Variants in TMEM178B observed in about 807,000 individuals in gnomAD.
The protein encoded by TMEM178B is transmembrane protein 178B.
TMEM178B carries 5 observed loss-of-function variants against 31.0 expected under a neutral mutation model. The observed-to-expected ratio is 0.16, with a 90% CI of 0.08 to 0.34. The LOEUF (loss-of-function observed/expected upper bound fraction) is 0.34. Among genes scored for constraint, TMEM178B ranks in the 10% least tolerant of loss-of-function variants. The pLI is 1.00. For synonymous variants in TMEM178B, 164 were observed against 164.0 expected, an observed-to-expected ratio of 1.00 and a Z score of 0.00; for missense variants, 275 against 400.3, an observed-to-expected ratio of 0.69 and a Z score of 2.67.
intron 2 of TMEM178B, among the ~76,000 whole-genome samples, chr7:141,270,962 G>A (rs373134219): frequency 2.0e-5 from 3 of 152,166 alleles, no homozygotes; most frequent in East Asian, 3.9e-4. Context: ...ATTGTGGATG[G>A]TAGTACTAGC....
At chr7:141,285,934 G>A (rs1010562891) in intron 2 of TMEM178B, among the ~76,000 whole-genome samples, 1 of 152,100 alleles carries the variant, frequency 6.6e-6, no homozygotes, top group Admixed American at 6.5e-5. Flanking sequence ...ACACTCCAGG[G>A]CCTGTCAGAG....
chr7:141,289,015 T>A (rs1384389425), intron 2 of TMEM178B, among the ~76,000 whole-genome samples: 4 of 152,056 alleles, frequency 2.6e-5, no homozygotes, highest in Admixed American at 6.6e-5. Flanking sequence ...CTGGAAAAAA[T>A]TTTCTCCTGC....
chr7:141,262,830 G>A (rs752753141), intron 2 of TMEM178B, among the ~76,000 whole-genome samples: 3 of 152,126 alleles, frequency 2.0e-5, no homozygotes, highest in East Asian at 1.9e-4. Context: ...TTTTTACTCC[G>A]TATTCTTGGG....
In TMEM178B at chr7:141,474,627, A is replaced by AG. The variant is rs1802325602; in HGVS notation, c.*3844dup. On this transcript the variant is annotated 3_prime_UTR_variant, in exon 4 of 4. Transcript: ENST00000565468. ...GAGCCCAGGTGCATATCTTCCCATC[A>AG]GGGATGAGTGGTCCCACCTAGCAAT... 1 of 152,204 alleles carries AG rather than the reference A, an allele frequency of 6.6e-6. No individual in the cohort carries two copies. Among genetic ancestry groups the AG allele is most frequent in the South Asian group, 2.1e-4 (1 of 4,830 alleles). The allele number at this position is 152,204 out of a possible 1,614,324, so 9.4% of individuals were successfully genotyped here. A position where few individuals can be genotyped will look rare whatever the true frequency, so the allele number is the denominator to read the frequency against.
chr7:141,437,506 T>G lies in TMEM178B; in HGVS notation c.497-102T>G, dbSNP rs1016791420. On this transcript the variant is annotated intron_variant, in intron 2 of 3. Transcript: ENST00000565468. Reference sequence around the variant, plus strand: ...GAAGGGCAGGTTGCCTTCCTGCTCCTGGAGGGCCACTCCCTCTCTGCACCC... The same window carrying G: ...GAAGGGCAGGTTGCCTTCCTGCTCCGGGAGGGCCACTCCCTCTCTGCACCC... 1.7e-5 allele frequency: 25 copies of G among 1,455,698 alleles called. No individual in the cohort carries two copies. The Middle Eastern group carries it at 9.8e-4, about 57-fold the overall frequency. The allele number at this position is 1,455,698 out of a possible 1,614,324, so 90.2% of individuals were successfully genotyped here.
chr7:141,275,441 C>A (rs1043142423), intron 2 of TMEM178B, among the ~76,000 whole-genome samples: 1 of 152,304 alleles, frequency 6.6e-6, no homozygotes, highest in East Asian at 1.9e-4. Flanking sequence ...TGTAACACCC[C>A]ACTCGTCTGC....
chr7:141,424,955 G>T (rs1306240601), intron 2 of TMEM178B, among the ~76,000 whole-genome samples: 1 of 152,154 alleles, frequency 6.6e-6, no homozygotes, highest in African/African-American at 2.4e-5. Context: ...AATAGAAAGG[G>T]CATGGACAGA....
chr7:141,244,036 G>T (rs1013371088), intron 2 of TMEM178B, among the ~76,000 whole-genome samples: 5 of 152,150 alleles, frequency 3.3e-5, no homozygotes, highest in African/African-American at 7.2e-5. Flanking sequence ...GGAGCGTTTT[G>T]TGCAGTTCAG....
At chr7:141,087,878 A>T (rs917585778) in intron 1 of TMEM178B, among the ~76,000 whole-genome samples, 14 of 152,182 alleles carry the variant, frequency 9.2e-5, no homozygotes, top group African/African-American at 3.4e-4. Flanking sequence ...TCCATTTTTC[A>T]GTTTATACTG....
chr7:141,420,192 G>GCCC (rs35162161), intron 2 of TMEM178B, among the ~76,000 whole-genome samples: 83 of 150,232 alleles, frequency 5.5e-4, no homozygotes, highest in African/African-American at 1.6e-3. Flanking sequence ...ATTTATCACT[G>GCCC]CCCCCCCCCA....
chr7:141,165,380 G>T (rs1796245707), intron 1 of TMEM178B, among the ~76,000 whole-genome samples: 1 of 152,244 alleles, frequency 6.6e-6, no homozygotes, highest in East Asian at 1.9e-4. Flanking sequence ...TTATCTCACG[G>T]AATAGTCTGG....
intron 2 of TMEM178B, among the ~76,000 whole-genome samples, chr7:141,220,901 G>T (rs992273173): frequency 2.6e-5 from 4 of 152,160 alleles, no homozygotes; most frequent in South Asian, 2.1e-4. Context: ...TGCTGGAGGG[G>T]ATATTAAAAG....
chr7:141,470,840 T>C lies in TMEM178B; in HGVS notation c.*54T>C, dbSNP rs2116730909. On this transcript the variant is annotated 3_prime_UTR_variant, in exon 4 of 4. Coordinates refer to ENST00000565468, the MANE Select transcript of TMEM178B (RefSeq NM_001195278.2). ...TATAAATATATATATATAATATACA[T>C]ATATAAAACAAAACAAAACTAAATC... 1 of 954,418 alleles carries C rather than the reference T, an allele frequency of 1.0e-6. No individual in the cohort carries two copies. The highest frequency in any genetic ancestry group is 5.0e-5 in the East Asian group (1 of 20,040). The allele number at this position is 954,418 out of a possible 1,614,324, so 59.1% of individuals were successfully genotyped here.
intron 2 of TMEM178B, among the ~76,000 whole-genome samples, chr7:141,341,600 G>A (rs937549298): frequency 4.6e-5 from 7 of 152,252 alleles, no homozygotes; most frequent in African/African-American, 7.2e-5. Flanking sequence ...ACTGTTTTTC[G>A]TCTTCACTGC....
chr7:141,466,725 C>G (rs1328436105), intron 3 of TMEM178B, among the ~76,000 whole-genome samples: 2 of 152,186 alleles, frequency 1.3e-5, no homozygotes, highest in Admixed American at 6.5e-5. Context: ...CTATCAGGCT[C>G]CAGATCCATG....
At chr7:141,131,483 C>T (rs750813527) in intron 1 of TMEM178B, among the ~76,000 whole-genome samples, 4 of 152,196 alleles carry the variant, frequency 2.6e-5, no homozygotes, top group Non-Finnish European at 5.9e-5. Flanking sequence ...CACCTTCTCC[C>T]AGCCCCAACC....
intron 3 of TMEM178B, among the ~76,000 whole-genome samples, chr7:141,438,696 T>TAAAA (rs869132131): frequency 0.015 from 443 of 28,994 alleles, 67 homozygotes; most frequent in East Asian, 0.049. Context: ...CCGTCTCTAC[T>TAAAA]AAAAAAAAAA....
intron 3 of TMEM178B, among the ~76,000 whole-genome samples, chr7:141,445,669 G>A (rs950975307): frequency 6.6e-6 from 1 of 152,188 alleles, no homozygotes; most frequent in African/African-American, 2.4e-5. Context: ...GTAAGCTAAT[G>A]ACTTACTATG....
intron 1 of TMEM178B, among the ~76,000 whole-genome samples, chr7:141,165,892 G>A (rs865949496): frequency 6.6e-6 from 1 of 152,342 alleles, no homozygotes; most frequent in Non-Finnish European, 1.5e-5. Flanking sequence ...GTGACTTTAT[G>A]TACAGAAAGG....
Sources: allele counts gnomAD v4.1 joint callset (sites outside exome capture counted in the v4.1 genomes callset), GRCh38; gene constraint gnomAD v4.1.1; transcripts MANE v1.5; gene names NCBI Gene and HGNC (gene_info 2026-07-23, HGNC 2026-07-21).